The following PAICS variants were observed in gnomAD, a reference collection of about 807,000 sequenced individuals.
PAICS encodes the protein phosphoribosylaminoimidazole carboxylase and phosphoribosylaminoimidazolesuccinocarboxamide synthase, also known as bifunctional phosphoribosylaminoimidazole carboxylase/phosphoribosylaminoimidazole succinocarboxamide synthetase.
Under a neutral mutation model 53.7 loss-of-function variants are expected in PAICS, and 33 were observed. That is an observed-to-expected ratio of 0.61 (90% CI 0.47 to 0.82). The LOEUF is 0.82. Among genes scored for constraint, PAICS ranks in the 40% least tolerant of loss-of-function variants. The pLI is 0.00. For synonymous variants in PAICS, 141 were observed against 167.2 expected (o/e 0.84, Z 1.21); for missense variants, 394 against 494.1 (o/e 0.80, Z 1.92).
chr4:56,450,895 G>T (rs2110092478), intron 6 of PAICS, 193 bp downstream of exon 6: 1 of 458,224 alleles, frequency 2.2e-6, no homozygotes, highest in East Asian at 3.8e-5. Flanking sequence ...TCAGCTCACT[G>T]CAAGCTCCGC....
chr4:56,446,773 G>T lies in PAICS; in HGVS notation c.293G>T (p.Trp98Leu), dbSNP rs766756958. 3 of 1,607,192 alleles carry T rather than the reference G, an allele frequency of 1.9e-6. No homozygotes were observed. Among genetic ancestry groups the T allele is most frequent in the South Asian group, 2.2e-5 (2 of 90,070 alleles). Residue 98 changes from tryptophan to leucine, a missense_variant, in exon 3 of 9, where the codon TGG becomes TTG. Transcript: ENST00000512576. ...APQCEMIPIE[W>L]VCRRIATGSF... ...CAGTGTGAAATGATTCCAATTGAAT[G>T]GGTTTGCAGAAGAATAGCAACTGGT...
intron 1 of PAICS, 75 bp downstream of exon 1, chr4:56,436,403 G>C: frequency 8.5e-7 from 1 of 1,181,254 alleles, no homozygotes; most frequent in East Asian, 2.5e-5. Flanking sequence ...CGTGCGAGCC[G>C]CGAAACTCTG....
At chr4:56,442,478 C>A (rs1444197159) in intron 2 of PAICS, among the ~76,000 whole-genome samples, 2 of 152,074 alleles carry the variant, frequency 1.3e-5, no homozygotes, top group Non-Finnish European at 1.5e-5. Context: ...GTATTTGAAG[C>A]AAAGGGAAGG....
the PAICS span, chr4:56,423,222 C>G: frequency 6.6e-6 from 1 of 152,192 alleles, no homozygotes; most frequent in Non-Finnish European, 1.5e-5. Context: ...ACTAGTTAAT[C>G]AAATTTCCTA....
At chr4:56,435,017 G>A (rs1229773577), upstream of PAICS, among the ~76,000 whole-genome samples, 1 of 152,182 alleles carries the variant, frequency 6.6e-6, no homozygotes, top group Non-Finnish European at 1.5e-5. Flanking sequence ...GCCTGCAGTC[G>A]GGGAGGAGCC....
upstream of PAICS, chr4:56,431,440 T>A: frequency 2.0e-6 from 2 of 981,048 alleles, no homozygotes. Flanking sequence ...CTAAATCTCT[T>A]AAGAAAAGTG....
At chr4:56,446,291 A>G (rs1718613638) in intron 2 of PAICS, 2 of 707,218 alleles carry the variant, frequency 2.8e-6, no homozygotes, top group Non-Finnish European at 5.2e-6. Flanking sequence ...AACAATAACT[A>G]TTCCTCCCAC....
chr4:56,413,910 TTAAA>T, the PAICS span, among the ~76,000 whole-genome samples: 2 of 152,130 alleles, frequency 1.3e-5, no homozygotes, highest in East Asian at 1.9e-4. Context: ...AATAAATAAA[TTAAA>T]TAAATAATTA....
chr4:56,437,927 C>T (rs1217744501), intron 1 of PAICS, among the ~76,000 whole-genome samples: 2 of 149,300 alleles, frequency 1.3e-5, no homozygotes, highest in African/African-American at 2.5e-5. Context: ...ATTTTTCTTG[C>T]AATCATGGTA....
chr4:56,450,498 C>G (rs910220457), intron 5 of PAICS, 121 bp from the exon 6 acceptor site: 7 of 600,460 alleles, frequency 1.2e-5, no homozygotes, highest in Non-Finnish European at 2.1e-5. Context: ...TGAAAAGATG[C>G]ATTTTCAGAA....
intron 1 of PAICS, among the ~76,000 whole-genome samples, chr4:56,437,639 G>A (rs1718085043): frequency 6.6e-6 from 1 of 151,684 alleles, no homozygotes; most frequent in Non-Finnish European, 1.5e-5. Context: ...TGACCAACAT[G>A]GTGAAACCCC....
In PAICS at chr4:56,454,809, T is replaced by A. The variant is rs558402022; in HGVS notation, c.1111+1048T>A. Among the ~76,000 whole-genome samples, 7 of 152,106 alleles carry A rather than the reference T, an allele frequency of 4.6e-5. No individual in the cohort carries two copies. In the East Asian group the frequency reaches 9.6e-4, roughly 21 times the overall value. Reference sequence around the variant, plus strand: ...AATTCATGGTATTGATTTTTTTTTTTAAAGTAAATGTGATCATGTTACTTC... The same window carrying A: ...AATTCATGGTATTGATTTTTTTTTTAAAAGTAAATGTGATCATGTTACTTC... On this transcript the variant is annotated intron_variant, in intron 8 of 8. Coordinates refer to ENST00000512576, the MANE Select transcript of PAICS (RefSeq NM_001079524.2).
intron 1 of PAICS, among the ~76,000 whole-genome samples, chr4:56,436,967 A>C (rs1718024263): frequency 6.6e-6 from 1 of 152,248 alleles, no homozygotes. Context: ...ATTGCACTCC[A>C]GCCTGGGCGA....
the PAICS span, among the ~76,000 whole-genome samples, chr4:56,417,848 T>TG: frequency 6.6e-6 from 1 of 150,826 alleles, no homozygotes; most frequent in Non-Finnish European, 1.5e-5. Context: ...TTTTGTTTTT[T>TG]TTTTTTTTTT....
intron 1 of PAICS, 196 bp downstream of exon 1, chr4:56,436,524 A>G (rs1192986063): frequency 1.4e-6 from 1 of 712,928 alleles, no homozygotes; most frequent in Non-Finnish European, 2.6e-6. Context: ...AGAAGGAGCA[A>G]AGTAGAGGAG....
intron 3 of PAICS, 43 bp from the exon 4 acceptor site, chr4:56,448,375 A>T (rs763666397): frequency 2.2e-6 from 3 of 1,366,912 alleles, no homozygotes; most frequent in Non-Finnish European, 3.0e-6. Context: ...AAGTTTAAAA[A>T]TTTTAGATTG....
chr4:56,415,989 G>C, the PAICS span, among the ~76,000 whole-genome samples: 1 of 151,634 alleles, frequency 6.6e-6, no homozygotes, highest in Non-Finnish European at 1.5e-5. Context: ...AGAATTGCTT[G>C]AACCCGGGAG....
chr4:56,427,662 T>G, the PAICS span, among the ~76,000 whole-genome samples: 8 of 148,720 alleles, frequency 5.4e-5, no homozygotes, highest in African/African-American at 1.7e-4. Context: ...AAAAAAAAAT[T>G]CATAAGGCTG....
chr4:56,443,485 G>T (rs2110084475), intron 2 of PAICS, among the ~76,000 whole-genome samples: 1 of 152,186 alleles, frequency 6.6e-6, no homozygotes, highest in Admixed American at 6.5e-5. Context: ...ACCACACCCG[G>T]CCTGTTCCAT....
Sources: allele counts gnomAD v4.1 joint callset (sites outside exome capture counted in the v4.1 genomes callset), GRCh38; gene constraint gnomAD v4.1.1; transcripts MANE v1.5; gene names NCBI Gene and HGNC (gene_info 2026-07-23, HGNC 2026-07-21).